Variants in LPP observed in about 807,000 individuals in gnomAD.
LPP encodes the protein LIM domain containing preferred translocation partner in lipoma, also known as lipoma-preferred partner.
Under a neutral mutation model 60.4 loss-of-function variants are expected in LPP, and 38 were observed. The ratio of observed to expected loss-of-function variants is 0.63; its 90% CI spans 0.49 to 0.83. The LOEUF (loss-of-function observed/expected upper bound fraction) is 0.83. Among genes scored for constraint, LPP ranks in the 40% least tolerant of loss-of-function variants. LPP has a pLI of 0.00. For missense variants in LPP, 902 were observed against 783.6 expected (o/e 1.15, Z -1.80); for synonymous variants, 328 against 290.8 (o/e 1.13, Z -1.30).
At chr3:188,294,557 A>T (rs1381007840) in intron 2 of LPP, among the ~76,000 whole-genome samples, 2 of 152,104 alleles carry the variant, frequency 1.3e-5, no homozygotes, top group Non-Finnish European at 2.9e-5. Flanking sequence ...GTATATTTCC[A>T]CCTAACTTCA....
intron 2 of LPP, among the ~76,000 whole-genome samples, chr3:188,334,033 C>G (rs1235174728): frequency 1.3e-5 from 2 of 152,218 alleles, no homozygotes; most frequent in Non-Finnish European, 2.9e-5. Context: ...CCTCCTGCTA[C>G]TTTTCTCCAC....
At position 188,875,894 on chromosome 3, in the gene LPP, G is replaced by A. The variant is rs1050666180; in HGVS notation, c.*1415G>A. 1.6e-5 allele frequency: 3 copies of A among 187,686 alleles called. No homozygotes were observed. Among genetic ancestry groups the A allele is most frequent in the Non-Finnish European group, 3.4e-5 (3 of 88,862 alleles). The allele number at this position is 187,686 out of a possible 1,614,324, so 11.6% of individuals were successfully genotyped here. On this transcript the variant is annotated 3_prime_UTR_variant, in exon 12 of 12. Transcript: ENST00000617246. The stretch of plus-strand genomic sequence containing the variant: ...GGCAAGTTGCCATTTTGTAAACTAA[G>A]GATTTTGGACTGAGATTTCTTAAAT...
chr3:188,626,471 C>T (rs1260231802), intron 7 of LPP, among the ~76,000 whole-genome samples: 1 of 152,142 alleles, frequency 6.6e-6, no homozygotes, highest in Non-Finnish European at 1.5e-5. Context: ...GAAGGGACAA[C>T]TGTACCACAA....
At chr3:188,555,294 T>C (rs1254568056) in intron 6 of LPP, among the ~76,000 whole-genome samples, 2 of 152,040 alleles carry the variant, frequency 1.3e-5, no homozygotes, top group Admixed American at 1.3e-4. Context: ...TAGAACCTCA[T>C]AGGACCTCTT....
At position 188,858,169 on chromosome 3, in the gene LPP, C is replaced by T. The variant is rs145872947; in HGVS notation, c.1411-8031C>T. On this transcript the variant is annotated intron_variant, in intron 9 of 11. Coordinates refer to ENST00000617246, the MANE Select transcript of LPP (RefSeq NM_001375462.1). ...TTCTTTGATGTCTGAGTTAATAAAT[C>T]TTCACATGACTTATGTTGTAAAGGC... 3.3e-5 allele frequency among the ~76,000 whole-genome samples: 5 copies of T among 152,294 alleles called. No homozygotes were observed. In the East Asian group the frequency reaches 9.6e-4, roughly 29 times the overall value.
intron 7 of LPP, among the ~76,000 whole-genome samples, chr3:188,664,375 GT>G (rs1855294303): frequency 6.6e-6 from 1 of 152,124 alleles, no homozygotes; most frequent in Non-Finnish European, 1.5e-5. Flanking sequence ...CCATAGCCTT[GT>G]TTGAATAAAT....
intron 5 of LPP, among the ~76,000 whole-genome samples, chr3:188,485,280 G>A (rs1252383475): frequency 1.3e-5 from 2 of 152,112 alleles, no homozygotes; most frequent in African/African-American, 4.8e-5. Context: ...ACTCGGGGCT[G>A]GGATCAGATG....
chr3:188,628,130 C>T (rs1401412207), intron 7 of LPP, among the ~76,000 whole-genome samples: 1 of 151,902 alleles, frequency 6.6e-6, no homozygotes, highest in African/African-American at 2.4e-5. Context: ...TTTGTAGAGA[C>T]AAACACCTAC....
intron 7 of LPP, among the ~76,000 whole-genome samples, chr3:188,637,677 G>C (rs1461137283): frequency 6.6e-6 from 1 of 151,822 alleles, no homozygotes; most frequent in East Asian, 1.9e-4. Context: ...AATGATAAAG[G>C]GGATATCACC....
chr3:188,842,937 A>G (rs1304707475), intron 9 of LPP, among the ~76,000 whole-genome samples: 2 of 152,148 alleles, frequency 1.3e-5, no homozygotes, highest in Non-Finnish European at 2.9e-5. Flanking sequence ...ATCACCAGAA[A>G]TTATTTCTAT....
intron 2 of LPP, among the ~76,000 whole-genome samples, chr3:188,326,203 C>T (rs997816307): frequency 2.0e-5 from 3 of 152,106 alleles, no homozygotes; most frequent in South Asian, 2.1e-4. Context: ...CCAGGTCTTC[C>T]GACTTTTACG....
intron 5 of LPP, among the ~76,000 whole-genome samples, chr3:188,485,605 G>A (rs1298166668): frequency 6.6e-5 from 10 of 151,386 alleles, no homozygotes; most frequent in South Asian, 4.2e-4. Context: ...AGACCATCCC[G>A]GCTAAAACGG....
In LPP at chr3:188,182,722, A is replaced by G. The variant is rs1474863105; in HGVS notation, c.-190+28470A>G. Among the ~76,000 whole-genome samples the G allele has an allele frequency of 1.2e-5, 1 of 83,428 alleles. No individual in the cohort carries two copies. The highest frequency in any genetic ancestry group is 3.7e-4 in the East Asian group (1 of 2,736). The allele number at this position is 83,428 out of a possible 152,430, so 54.7% of individuals were successfully genotyped here. On this transcript the variant is annotated intron_variant, in intron 1 of 11. Coordinates refer to ENST00000617246, the MANE Select transcript of LPP (RefSeq NM_001375462.1). This position sits in a 1 kb window ranked among gnomAD's most constrained non-coding sequence, Gnocchi z 4.4. ...CAGCTAAAGAATTGAATATATATAT[A>G]TAACATATGCACATAATATATATAC...
chr3:188,399,363 A>T (rs4513443), intron 3 of LPP, among the ~76,000 whole-genome samples: 55,838 of 115,012 alleles, frequency 0.49, 10,838 homozygotes, highest in South Asian at 0.59. Context: ...GAGAATGTTT[A>T]AAAAAAAAAA....
chr3:188,222,293 G>A (rs1476358658), intron 1 of LPP, among the ~76,000 whole-genome samples: 2 of 152,100 alleles, frequency 1.3e-5, no homozygotes, highest in Non-Finnish European at 2.9e-5. Flanking sequence ...AATATGCTTG[G>A]CTTACAAGAC....
At chr3:188,492,742 T>C (rs1336792861) in intron 5 of LPP, among the ~76,000 whole-genome samples, 1 of 152,090 alleles carries the variant, frequency 6.6e-6, no homozygotes, top group African/African-American at 2.4e-5. Flanking sequence ...AATCAAACGA[T>C]GTAGATTAGA....
intron 8 of LPP, among the ~76,000 whole-genome samples, chr3:188,752,186 T>C (rs1225111266): frequency 6.6e-6 from 1 of 152,218 alleles, no homozygotes; most frequent in African/African-American, 2.4e-5. Flanking sequence ...GTTATGATCA[T>C]CTCCCTCTTA....
At chr3:188,410,096 G>T (rs558508607) in intron 4 of LPP, among the ~76,000 whole-genome samples, 2 of 152,174 alleles carry the variant, frequency 1.3e-5, no homozygotes, top group Non-Finnish European at 2.9e-5. Context: ...AACTTTGAGA[G>T]TCAGGGGCTG....
At chr3:188,802,467 A>C (rs1312963554) in intron 9 of LPP, among the ~76,000 whole-genome samples, 20 of 152,206 alleles carry the variant, frequency 1.3e-4, no homozygotes, top group Non-Finnish European at 2.6e-4. Flanking sequence ...AATGACATCC[A>C]GTGAATGTCT....
Sources: allele counts gnomAD v4.1 joint callset (sites outside exome capture counted in the v4.1 genomes callset), GRCh38; gene constraint gnomAD v4.1.1; non-coding constraint Gnocchi (gnomAD v3.1); transcripts MANE v1.5; gene names NCBI Gene and HGNC (gene_info 2026-07-23, HGNC 2026-07-21).